Variants in FBN1 observed in about 807,000 individuals in gnomAD.
The protein encoded by FBN1 is fibrillin-1.
In FBN1, 29 loss-of-function variants were observed where a neutral mutation model predicts 365.1. The ratio of observed to expected loss-of-function variants is 0.08; its 90% confidence interval spans 0.06 to 0.11. FBN1 has a LOEUF of 0.11. Ranked by LOEUF, FBN1 falls within the 10% of genes least tolerant of loss-of-function variation. The probability of loss-of-function intolerance (pLI) is 1.00; values close to 1 mark genes in which losing one functional copy is unlikely to be tolerated. For synonymous variants in FBN1, 1,210 were observed against 1,270.5 expected (o/e 0.95, Z 1.01); for missense variants, 2,476 against 3,703.2 (o/e 0.67, Z 8.60).
At chr15:48,610,594 G>C (rs1013898827) in intron 4 of FBN1, 134 bp downstream of exon 4, 1 of 705,800 alleles carries the variant, frequency 1.4e-6, no homozygotes, top group Admixed American at 2.2e-5. Flanking sequence ...CAAGTATTTT[G>C]GGCAGAACAG....
In FBN1 at chr15:48,557,027, G is replaced by A. The variant is rs16961132; in HGVS notation, c.539-19219C>T. On this transcript the variant is annotated intron_variant, in intron 6 of 65. Transcript: ENST00000316623. ...GTAGTGAACTGTGCAGGTGAAGGAA[G>A]GTCTTTTTGGTACCTGAACCCAAGA... Among the ~76,000 whole-genome samples, 2,531 of 152,228 alleles carry A rather than the reference G, an allele frequency of 0.017. 200 individuals are homozygous for A. In the East Asian group the frequency reaches 0.24, roughly 14 times the overall value.
At chr15:48,572,739 G>A (rs1310865867) in intron 6 of FBN1, among the ~76,000 whole-genome samples, 6 of 152,168 alleles carry the variant, frequency 3.9e-5, no homozygotes, top group African/African-American at 1.4e-4. Context: ...CACCTCTGGA[G>A]AGAGGAATGG....
rs571955886 is a variant in FBN1, at chr15:48,488,938, CAA to C, written c.3083-447_3083-446del. 5.7e-4 allele frequency among the ~76,000 whole-genome samples: 87 copies of C among 151,880 alleles called. 1 individual carries two copies. The highest frequency in any genetic ancestry group is 2.0e-3 in the African/African-American group (83 of 41,404). On this transcript the variant is annotated intron_variant, in intron 25 of 65. Transcript: ENST00000316623. ...CTGTTTGGTGCTTTTTTGGATATGC[CAA>C]AAATATAAAAATTTCAAAGATATAA...
rs773084230 is a variant in FBN1, at chr15:48,432,880, C to T, written c.6725G>A (p.Arg2242His). The T allele has an allele frequency of 1.9e-5, 31 of 1,613,468 alleles. No individual in the cohort carries two copies. Among genetic ancestry groups the T allele is most frequent in the East Asian group, 1.8e-4 (8 of 44,884 alleles). Reference protein sequence around the residue: ...CPVGYVLREDRRMCKDEDECE... With the variant: ...CPVGYVLREDHRMCKDEDECE... ...CGATGACTCACCTTTGCACATCCTA[C>T]GGTCTTCTCTGAGCACATATCCCAC... The change falls in exon 55 of 66, where the codon CGT (arginine) becomes CAT (histidine). Residue 2242 changes from arginine (R) to histidine (H), a missense_variant. Coordinates refer to ENST00000316623, the MANE Select transcript of FBN1 (RefSeq NM_000138.5).
chr15:48,644,739 G>C lies in FBN1; in HGVS notation c.31C>G (p.Leu11Val), dbSNP rs762468661. ...GACGCTAAAAGCACGGTAAATCCCAGGGCGATCTCCAGCAGACGCCCTCGA... is the reference window on the plus strand; with the variant it reads ...GACGCTAAAAGCACGGTAAATCCCACGGCGATCTCCAGCAGACGCCCTCGA... MRRGRLLEIA[L>V]GFTVLLASYT... The change falls in exon 2 of 66, where the codon CTG becomes GTG. Residue 11 changes from leucine to valine, a missense_variant. This residue lies in a region of FBN1 where 76 missense variants were observed against 85.4 expected (regional missense o/e 0.89). Transcript: ENST00000316623. 6.8e-6 allele frequency: 11 copies of C among 1,613,570 alleles called. 1 individual carries two copies. The highest frequency in any genetic ancestry group is 3.3e-4 in the Middle Eastern group (2 of 6,058).
chr15:48,546,418 C>G (rs757762152), intron 6 of FBN1, among the ~76,000 whole-genome samples: 5 of 152,212 alleles, frequency 3.3e-5, no homozygotes, highest in Non-Finnish European at 7.3e-5. Context: ...GAGCACAAGC[C>G]AGCTGTGCAA....
intron 2 of FBN1, among the ~76,000 whole-genome samples, chr15:48,630,184 T>C (rs773032388): frequency 1.4e-4 from 21 of 151,964 alleles, no homozygotes; most frequent in African/African-American, 2.2e-4. Flanking sequence ...AGACATTTTA[T>C]CTTTCTTTAT....
At chr15:48,416,341 GC>G (rs1253017937) in intron 63 of FBN1, among the ~76,000 whole-genome samples, 2 of 152,186 alleles carry the variant, frequency 1.3e-5, no homozygotes, top group Admixed American at 6.5e-5. Flanking sequence ...CCACGTGTCT[GC>G]CCCACTTGGA....
chr15:48,453,953 C>T (rs77989855), intron 44 of FBN1, among the ~76,000 whole-genome samples: 48 of 152,186 alleles, frequency 3.2e-4, no homozygotes, highest in African/African-American at 1.1e-3. Flanking sequence ...ATGATGCTCA[C>T]ATCTAAAAAA....
chr15:48,558,591 A>G (rs2044199749), intron 6 of FBN1, among the ~76,000 whole-genome samples: 1 of 152,240 alleles, frequency 6.6e-6, no homozygotes, highest in Admixed American at 6.5e-5. Context: ...ATGAAAAAGC[A>G]AAGAAAAAGC....
intron 6 of FBN1, among the ~76,000 whole-genome samples, chr15:48,549,117 A>G (rs956747956): frequency 1.3e-5 from 2 of 152,230 alleles, no homozygotes; most frequent in African/African-American, 4.8e-5. Context: ...TGTACGGCTA[A>G]AAGTTAGTGC....
At chr15:48,584,272 C>G (rs898037503) in intron 6 of FBN1, among the ~76,000 whole-genome samples, 1 of 152,096 alleles carries the variant, frequency 6.6e-6, no homozygotes, top group South Asian at 2.1e-4. Context: ...GAGAGACATG[C>G]AGTAACTTGC....
chr15:48,599,708 T>C (rs1032599089), intron 5 of FBN1, among the ~76,000 whole-genome samples: 1 of 152,192 alleles, frequency 6.6e-6, no homozygotes, highest in African/African-American at 2.4e-5. Context: ...GGGATGCAGA[T>C]ACCACCAATC....
intron 24 of FBN1, 25 bp from the exon 25 acceptor site, chr15:48,490,103 TAAA>T: frequency 6.2e-7 from 1 of 1,603,806 alleles, no homozygotes; most frequent in East Asian, 2.2e-5. Context: ...CAAGGGAGGT[TAAA>T]TAGAGCCACA....
chr15:48,526,298 T>C, intron 8 of FBN1, 43 bp from the exon 9 acceptor site: 3 of 1,608,622 alleles, frequency 1.9e-6, no homozygotes, highest in South Asian at 2.2e-5. Context: ...TAGAACACAA[T>C]ATAAAACCAT....
At position 48,520,566 on chromosome 15, in the gene FBN1, C is replaced by T. The variant is rs1351996438; in HGVS notation, c.1147+93G>A. ...TATTTCCTGGAGACTACTCATTTACCCAAGTTTCCATTACATCTGCATCAT... is the reference window on the plus strand; with the variant it reads ...TATTTCCTGGAGACTACTCATTTACTCAAGTTTCCATTACATCTGCATCAT... On this transcript the variant is annotated intron_variant, in intron 10 of 65. Transcript: ENST00000316623. The T allele has an allele frequency of 5.5e-6, 8 of 1,462,330 alleles. No homozygotes were observed. In the African/African-American group the frequency reaches 1.1e-4, roughly 20 times the overall value. The allele number at this position is 1,462,330 out of a possible 1,614,324, so 90.6% of individuals were successfully genotyped here.
chr15:48,530,700 CCT>C (rs2043963376), intron 8 of FBN1, among the ~76,000 whole-genome samples: 3 of 152,092 alleles, frequency 2.0e-5, no homozygotes, highest in Non-Finnish European at 4.4e-5. Flanking sequence ...CTCCTTAGCT[CCT>C]GAGAGGATAA....
At chr15:48,556,614 C>T (rs1003657024) in intron 6 of FBN1, among the ~76,000 whole-genome samples, 2 of 152,176 alleles carry the variant, frequency 1.3e-5, no homozygotes, top group African/African-American at 2.4e-5. Context: ...CTGCACAAAA[C>T]GCCAGGTATT....
intron 2 of FBN1, among the ~76,000 whole-genome samples, chr15:48,622,503 T>G (rs1889788164): frequency 6.6e-6 from 1 of 152,236 alleles, no homozygotes; most frequent in Admixed American, 6.5e-5. Context: ...AGCAAATCCC[T>G]TGTCCAAATC....
Sources: gnomAD v4.1 joint callset for allele counts (sites outside exome capture counted in the v4.1 genomes callset) on GRCh38, gnomAD v4.1.1 for gene constraint, gnomAD v4.1.1 regional missense constraint, MANE v1.5 for transcripts, NCBI Gene and HGNC (gene_info 2026-07-23, HGNC 2026-07-21) for gene names.